The following SLC4A4 variants were observed in gnomAD, a reference collection of about 807,000 sequenced individuals.
SLC4A4 encodes electrogenic sodium bicarbonate cotransporter 1.
SLC4A4 carries 27 observed loss-of-function variants against 111.5 expected under a neutral mutation model. The ratio of observed to expected loss-of-function variants is 0.24; its 90% CI spans 0.18 to 0.33. The LOEUF is 0.33. SLC4A4 is among the 10% of genes least tolerant of loss of function. The pLI is 1.00. For missense variants in SLC4A4, 909 were observed against 1,315.5 expected (o/e 0.69, Z 4.78); for synonymous variants, 443 against 463.4 (o/e 0.96, Z 0.57).
intron 14 of SLC4A4, among the ~76,000 whole-genome samples, chr4:71,483,536 G>T (rs547500218): frequency 6.6e-6 from 1 of 152,062 alleles, no homozygotes; most frequent in South Asian, 2.1e-4. Flanking sequence ...GTATTCCATG[G>T]TGTATATGTA....
chr4:71,112,750 T>C (rs1351603997), intron 2 of SLC4A4, among the ~76,000 whole-genome samples: 2 of 152,174 alleles, frequency 1.3e-5, no homozygotes, highest in Non-Finnish European at 2.9e-5. Flanking sequence ...GGAATCTCTC[T>C]TTTTAATAAA....
At chr4:71,245,664 G>A (rs543099608) in intron 2 of SLC4A4, among the ~76,000 whole-genome samples, 2 of 152,014 alleles carry the variant, frequency 1.3e-5, no homozygotes, top group Non-Finnish European at 2.9e-5. Context: ...CTCTGAAGCC[G>A]GTAGTTGACT....
intron 3 of SLC4A4, among the ~76,000 whole-genome samples, chr4:71,333,202 A>G (rs573205072): frequency 2.6e-5 from 4 of 152,352 alleles, no homozygotes; most frequent in South Asian, 2.1e-4. Context: ...GTTGTGATCT[A>G]TGACTTTGGA....
chr4:71,353,017 C>T (rs1046508123), intron 5 of SLC4A4, among the ~76,000 whole-genome samples: 8 of 152,308 alleles, frequency 5.3e-5, no homozygotes, highest in Admixed American at 4.6e-4. Flanking sequence ...TTCTGGTCTT[C>T]AGCAACTAAC....
intron 2 of SLC4A4, among the ~76,000 whole-genome samples, chr4:71,098,686 C>T (rs1304994382): frequency 6.6e-6 from 1 of 152,000 alleles, no homozygotes. Flanking sequence ...AGATAAAAAG[C>T]AAGACCCAAT....
chr4:71,452,319 A>T (rs1425617308), intron 11 of SLC4A4, among the ~76,000 whole-genome samples: 1 of 152,088 alleles, frequency 6.6e-6, no homozygotes, highest in Admixed American at 6.5e-5. Context: ...TATTTCCATT[A>T]GGAATATCCT....
chr4:71,465,912 A>AGAATG (rs1277218690), intron 12 of SLC4A4, among the ~76,000 whole-genome samples: 1 of 152,130 alleles, frequency 6.6e-6, no homozygotes, highest in Non-Finnish European at 1.5e-5. Context: ...TAGAAATTGC[A>AGAATG]GAATGGAGGA....
chr4:71,370,648 T>C (rs2148932439), intron 6 of SLC4A4, among the ~76,000 whole-genome samples: 1 of 152,348 alleles, frequency 6.6e-6, no homozygotes, highest in Non-Finnish European at 1.5e-5. Flanking sequence ...ATTAGAAATA[T>C]CTAAAGTATC....
intron 2 of SLC4A4, among the ~76,000 whole-genome samples, chr4:71,122,621 A>G (rs1743462873): frequency 1.3e-5 from 2 of 152,134 alleles, no homozygotes; most frequent in Non-Finnish European, 2.9e-5. Flanking sequence ...AGGACCTAAA[A>G]CAGACTGATT....
At chr4:71,250,694 G>T (rs1436986853) in intron 2 of SLC4A4, among the ~76,000 whole-genome samples, 1 of 152,136 alleles carries the variant, frequency 6.6e-6, no homozygotes, top group Non-Finnish European at 1.5e-5. Context: ...CCTAAAATTT[G>T]TCTATTCTCT....
chr4:71,537,072 G>A (rs1734571820), intron 18 of SLC4A4, among the ~76,000 whole-genome samples: 2 of 151,484 alleles, frequency 1.3e-5, no homozygotes, highest in Admixed American at 1.3e-4. Context: ...TAGTTTATCA[G>A]AATCTTCCTC....
intron 5 of SLC4A4, among the ~76,000 whole-genome samples, chr4:71,356,009 T>C (rs1730258156): frequency 6.6e-6 from 1 of 152,238 alleles, no homozygotes; most frequent in East Asian, 1.9e-4. Context: ...TCTACTTGCA[T>C]ACCTTGAGAC....
At chr4:71,306,695 T>C (rs918299233) in intron 3 of SLC4A4, among the ~76,000 whole-genome samples, 8 of 152,216 alleles carry the variant, frequency 5.3e-5, no homozygotes, top group Non-Finnish European at 1.2e-4. Context: ...ATAATGAAAG[T>C]TAGCAATTTT....
chr4:71,371,353 C>T (rs1661314631), intron 6 of SLC4A4, among the ~76,000 whole-genome samples: 1 of 149,976 alleles, frequency 6.7e-6, no homozygotes, highest in Admixed American at 6.7e-5. Flanking sequence ...AAGCAATTCT[C>T]CTGCCTCAGC....
chr4:71,065,252 G>T (rs1489688615), intron 1 of SLC4A4, among the ~76,000 whole-genome samples: 2 of 152,046 alleles, frequency 1.3e-5, no homozygotes, highest in Non-Finnish European at 2.9e-5. Context: ...TAACCGTATG[G>T]TGTTTTACAT....
At chr4:71,111,535 T>TTTTGTTTTTCG (rs1743087949) in intron 2 of SLC4A4, among the ~76,000 whole-genome samples, 3 of 134,764 alleles carry the variant, frequency 2.2e-5, no homozygotes, top group African/African-American at 8.9e-5. Context: ...TTTTTTTTTT[T>TTTTGTTTTTCG]TTTTTTTTTT....
chr4:71,435,307 GA>G (rs1366502833), intron 7 of SLC4A4, among the ~76,000 whole-genome samples: 1 of 152,294 alleles, frequency 6.6e-6, no homozygotes, highest in Admixed American at 6.5e-5. Flanking sequence ...AAGCAATGGG[GA>G]AAGGATTTCC....
intron 1 of SLC4A4, among the ~76,000 whole-genome samples, chr4:71,206,616 A>G (rs1717783893): frequency 6.6e-6 from 1 of 152,150 alleles, no homozygotes; most frequent in Non-Finnish European, 1.5e-5. Flanking sequence ...ATAATGCTTT[A>G]TGAATATATA....
At chr4:71,150,870 A>G (rs1424553197) in intron 2 of SLC4A4, among the ~76,000 whole-genome samples, 1 of 152,098 alleles carries the variant, frequency 6.6e-6, no homozygotes, top group Non-Finnish European at 1.5e-5. Context: ...AAAGGTCTGG[A>G]ATCTGGGGAT....
Sources: allele counts gnomAD v4.1 joint callset (sites outside exome capture counted in the v4.1 genomes callset), GRCh38; gene constraint gnomAD v4.1.1; transcripts MANE v1.5; gene names NCBI Gene and HGNC (gene_info 2026-07-23, HGNC 2026-07-21).